The following POFUT1 variants were observed in gnomAD, a reference collection of about 807,000 sequenced individuals.
POFUT1 encodes the protein GDP-fucose protein O-fucosyltransferase 1.
Under a neutral mutation model 42.4 loss-of-function variants are expected in POFUT1, and 16 were observed. The observed-to-expected ratio is 0.38, with a 90% CI of 0.26 to 0.57. The LOEUF (loss-of-function observed/expected upper bound fraction) is 0.57. Among genes scored for constraint, POFUT1 ranks in the 20% least tolerant of loss-of-function variants. The pLI is 0.71. For missense variants in POFUT1, 470 were observed against 504.6 expected (o/e 0.93, Z 0.66); for synonymous variants, 206 against 205.4 (o/e 1.00, Z -0.03).
chr20:32,207,904 G>T lies in POFUT1; in HGVS notation c.-38G>T. 1.3e-6 allele frequency: 2 copies of T among 1,554,864 alleles called. No individual in the cohort carries two copies. Among genetic ancestry groups the T allele is most frequent in the South Asian group, 1.2e-5 (1 of 85,740 alleles). ...CGCTCGCGTCCCTCCTTCCCTCCCC[G>T]ACTGTGCGCCGCGGCTGGCTCGGGT... On this transcript the variant is annotated 5_prime_UTR_variant, in exon 1 of 7. Coordinates refer to ENST00000375749, the MANE Select transcript of POFUT1 (RefSeq NM_015352.2).
chr20:32,231,197 A>G (rs2047441959), intron 6 of POFUT1, 136 bp downstream of exon 6: 3 of 926,238 alleles, frequency 3.2e-6, no homozygotes, highest in African/African-American at 3.3e-5. Context: ...TTCAGTTCCT[A>G]CCCTCCTTCA....
At chr20:32,214,522 G>A (rs890019797) in intron 2 of POFUT1, among the ~76,000 whole-genome samples, 22 of 152,200 alleles carry the variant, frequency 1.4e-4, no homozygotes, top group African/African-American at 5.1e-4. Flanking sequence ...GTAGAAGAGT[G>A]CGCATTTCCC....
intron 4 of POFUT1, among the ~76,000 whole-genome samples, chr20:32,221,204 C>T (rs1485023433): frequency 6.6e-6 from 1 of 152,126 alleles, no homozygotes; most frequent in Non-Finnish European, 1.5e-5. Flanking sequence ...TGTGTATGAA[C>T]ATTTAACATT....
intron 4 of POFUT1, chr20:32,222,988 C>G: frequency 1.0e-6 from 1 of 985,352 alleles, no homozygotes; most frequent in Non-Finnish European, 1.2e-6. Context: ...ACATCCAGAA[C>G]AAAGCCCTGC....
intron 5 of POFUT1, among the ~76,000 whole-genome samples, chr20:32,228,775 G>T (rs1054364623): frequency 4.6e-5 from 7 of 152,242 alleles, no homozygotes; most frequent in African/African-American, 1.4e-4. Flanking sequence ...CTAGCTCAGT[G>T]TCTGGCTGGT....
In POFUT1 at chr20:32,237,691, C is replaced by G. The variant is rs2047478855; in HGVS notation, c.*3030C>G. 2 of 480,544 alleles carry G rather than the reference C, an allele frequency of 4.2e-6. No homozygotes were observed. Among genetic ancestry groups the G allele is most frequent in the South Asian group, 1.5e-5 (1 of 65,282 alleles). 29.8% of individuals were successfully genotyped at this position (480,544 alleles called of 1,614,324 possible). On this transcript the variant is annotated 3_prime_UTR_variant, in exon 7 of 7. Coordinates refer to ENST00000375749, the MANE Select transcript of POFUT1 (RefSeq NM_015352.2). The stretch of plus-strand genomic sequence containing the variant: ...AGCAGAAGAGGGGCATGAGCTGATT[C>G]ACATTCTGAAGGACCTCTCTAGCTG...
chr20:32,223,006 A>T (rs945736934), intron 4 of POFUT1: 2 of 985,298 alleles, frequency 2.0e-6, no homozygotes, highest in Non-Finnish European at 2.4e-6. Flanking sequence ...TGCCTTGTTC[A>T]TGTCCCTGGG....
chr20:32,208,005 C>T lies in POFUT1; in HGVS notation c.64C>T (p.Pro22Ser). Reference sequence around the variant, plus strand: ...TTTCCTGCTGCTGCTTCTGCCGCTCCCGGGGATGCCTGCGGGCTCCTGGGA... The same window carrying T: ...TTTCCTGCTGCTGCTTCTGCCGCTCTCGGGGATGCCTGCGGGCTCCTGGGA... ...VSFLLLLLPL[P>S]GMPAGSWDPA... Residue 22 changes from proline (P) to serine (S), a missense_variant, in exon 1 of 7, where the codon CCG becomes TCG. Physicochemically the swap from Pro to Ser is moderately conservative, Grantham distance 74. Coordinates refer to ENST00000375749, the MANE Select transcript of POFUT1 (RefSeq NM_015352.2). 2 of 1,587,766 alleles carry T rather than the reference C, an allele frequency of 1.3e-6. No individual in the cohort carries two copies. The highest frequency in any genetic ancestry group is 1.7e-5 in the Admixed American group (1 of 57,788).
intron 4 of POFUT1, among the ~76,000 whole-genome samples, chr20:32,225,307 C>G (rs1165371294): frequency 6.6e-6 from 1 of 151,632 alleles, no homozygotes; most frequent in African/African-American, 2.4e-5. Context: ...CCTGCCTCAG[C>G]CTCCCAAGTA....
intron 6 of POFUT1, among the ~76,000 whole-genome samples, chr20:32,232,285 A>G (rs1267377816): frequency 6.6e-6 from 1 of 151,864 alleles, no homozygotes; most frequent in Non-Finnish European, 1.5e-5. Context: ...GGCCTAACAT[A>G]GCGAGACCCC....
chr20:32,229,923 G>A (rs917807589), intron 5 of POFUT1, among the ~76,000 whole-genome samples: 3 of 152,082 alleles, frequency 2.0e-5, no homozygotes, highest in Non-Finnish European at 2.9e-5. Context: ...GACCACAGGC[G>A]CACATCACCA....
intron 4 of POFUT1, among the ~76,000 whole-genome samples, chr20:32,221,138 C>T (rs934700855): frequency 6.6e-6 from 1 of 152,096 alleles, no homozygotes; most frequent in Admixed American, 6.5e-5. Context: ...GGTTTATAGG[C>T]CCTGTGAGGC....
Position 32,216,678 on chromosome 20 carries a change from G to A in POFUT1, c.499G>A (p.Gly167Ser), listed in dbSNP as rs779872984. Residue 167 changes from glycine (G) to serine (S), a missense_variant, in exon 4 of 7, where the codon GGC (glycine) becomes AGC (serine). Coordinates refer to ENST00000375749, the MANE Select transcript of POFUT1 (RefSeq NM_015352.2). ...VSFNKSELFT[G>S]ISFSASYREQ... ...TTTCAACAAGTCGGAGCTTTTTACA[G>A]GCATTTCCTTCAGTGCTTCCTACAG... 1.2e-6 allele frequency: 2 copies of A among 1,613,814 alleles called. No homozygotes were observed. The highest frequency in any genetic ancestry group is 4.5e-5 in the East Asian group (2 of 44,884).
In POFUT1 at chr20:32,209,695, G is replaced by A. The variant is rs191276488; in HGVS notation, c.125-376G>A. On this transcript the variant is annotated intron_variant, in intron 1 of 6. Coordinates refer to ENST00000375749, the MANE Select transcript of POFUT1 (RefSeq NM_015352.2). Reference sequence around the variant, plus strand: ...GAGGTAAAGGAGGGAGAGTGAGTATGGCAGGGGATTGGTGAAAGGAGCCCA... The same window carrying A: ...GAGGTAAAGGAGGGAGAGTGAGTATAGCAGGGGATTGGTGAAAGGAGCCCA... Among the ~76,000 whole-genome samples, 388 of 152,342 alleles carry A rather than the reference G, an allele frequency of 2.5e-3. 3 individuals carry two copies. Among genetic ancestry groups the A allele is most frequent in the Non-Finnish European group, 8.4e-4 (57 of 68,032 alleles).
Position 32,228,247 on chromosome 20 carries a change from T to C in POFUT1, c.543-16T>C, listed in dbSNP as rs779394062. 4 of 1,608,388 alleles carry C rather than the reference T, an allele frequency of 2.5e-6. No homozygotes were observed. The highest frequency in any genetic ancestry group is 3.4e-6 in the Non-Finnish European group (4 of 1,176,210). On this transcript the variant is annotated splice_polypyrimidine_tract_variant and intron_variant, in intron 4 of 6. Coordinates refer to ENST00000375749, the MANE Select transcript of POFUT1 (RefSeq NM_015352.2). ...CTGTGCGTCCTCTGACTTCCCTCAT[T>C]CCATCTCCTGTCTAGATTTTCTCCA...
intron 2 of POFUT1, among the ~76,000 whole-genome samples, chr20:32,212,334 T>G (rs1469759034): frequency 2.0e-5 from 3 of 151,520 alleles, no homozygotes; most frequent in African/African-American, 7.3e-5. Flanking sequence ...TGCAGTGGCA[T>G]GATCATCGCT....
rs1395506785 is a variant in POFUT1, at chr20:32,237,056, C to T, written c.*2395C>T. 1.3e-5 allele frequency: 2 copies of T among 152,206 alleles called. No individual in the cohort carries two copies. Among genetic ancestry groups the T allele is most frequent in the Non-Finnish European group, 2.9e-5 (2 of 68,046 alleles). 9.4% of individuals were successfully genotyped at this position (152,206 alleles called of 1,614,324 possible). ...CTCCTATGGAAAAATGATCAGCCAC[C>T]TTACCTTCTACTGGGTACCTGCTGT... On this transcript the variant is annotated 3_prime_UTR_variant, in exon 7 of 7. Coordinates refer to ENST00000375749, the MANE Select transcript of POFUT1 (RefSeq NM_015352.2).
intron 4 of POFUT1, chr20:32,217,230 CAT>C: frequency 7.1e-7 from 1 of 1,413,322 alleles, no homozygotes; most frequent in Non-Finnish European, 9.2e-7. Context: ...ACGTGTGAGA[CAT>C]AGTAATCAGA....
intron 6 of POFUT1, among the ~76,000 whole-genome samples, chr20:32,233,362 C>T (rs2047452531): frequency 6.6e-6 from 1 of 152,154 alleles, no homozygotes; most frequent in African/African-American, 2.4e-5. Flanking sequence ...GGGAGGTACA[C>T]CCCAAACAGC....
Sources: allele counts gnomAD v4.1 joint callset (sites outside exome capture counted in the v4.1 genomes callset), GRCh38; gene constraint gnomAD v4.1.1; transcripts MANE v1.5; gene names NCBI Gene and HGNC (gene_info 2026-07-23, HGNC 2026-07-21).